The following EMCN variants were observed in gnomAD, a reference collection of about 807,000 sequenced individuals.
The protein encoded by EMCN is MUC-14.
EMCN carries 37 observed loss-of-function variants against 38.4 expected under a neutral mutation model. The ratio of observed to expected loss-of-function variants is 0.96; its 90% CI spans 0.74 to 1.27. The LOEUF is 1.27. Ranked by LOEUF, EMCN falls within the 50% of genes most tolerant of loss-of-function variation. The pLI is 0.00. For missense variants in EMCN, 318 were observed against 302.8 expected, an observed-to-expected ratio of 1.05 and a Z score of -0.37; for synonymous variants, 95 against 100.8, an observed-to-expected ratio of 0.94 and a Z score of 0.35.
chr4:100,416,973 G>T, intron 9 of EMCN, 144 bp downstream of exon 9: 2 of 738,124 alleles, frequency 2.7e-6, no homozygotes, highest in Admixed American at 2.5e-5. Context: ...TCTGTTAAAT[G>T]GAGAGAGCTC....
chr4:100,481,512 A>G (rs1055483443), intron 1 of EMCN, among the ~76,000 whole-genome samples: 1 of 152,116 alleles, frequency 6.6e-6, no homozygotes, highest in Non-Finnish European at 1.5e-5. Context: ...ATGGAAATCA[A>G]GTCAAAAGCT....
chr4:100,485,887 T>C (rs576836532), intron 1 of EMCN, among the ~76,000 whole-genome samples: 7 of 152,196 alleles, frequency 4.6e-5, no homozygotes, highest in African/African-American at 1.4e-4. Flanking sequence ...TTTGCCTTCC[T>C]CCAAAAATTG....
At chr4:100,472,877 T>C (rs573127043) in intron 3 of EMCN, among the ~76,000 whole-genome samples, 6 of 151,660 alleles carry the variant, frequency 4.0e-5, no homozygotes, top group African/African-American at 1.4e-4. Flanking sequence ...GAATGTACCA[T>C]TTGATACTGG....
At chr4:100,447,214 G>A (rs1418431739) in intron 5 of EMCN, among the ~76,000 whole-genome samples, 1 of 152,130 alleles carries the variant, frequency 6.6e-6, no homozygotes, top group African/African-American at 2.4e-5. Flanking sequence ...GTACTTCTGG[G>A]AGAGGTCACA....
chr4:100,491,603 G>GC (rs979071269), intron 1 of EMCN, among the ~76,000 whole-genome samples: 4 of 152,118 alleles, frequency 2.6e-5, no homozygotes, highest in Non-Finnish European at 4.4e-5. Flanking sequence ...TAACCTTAGG[G>GC]CCCCTTCAGC....
At chr4:100,469,396 A>C (rs1344379157) in intron 3 of EMCN, among the ~76,000 whole-genome samples, 2 of 152,160 alleles carry the variant, frequency 1.3e-5, no homozygotes, top group African/African-American at 4.8e-5. Context: ...TTACATCAAA[A>C]GCTCAGCTAC....
intron 5 of EMCN, among the ~76,000 whole-genome samples, chr4:100,428,937 A>G (rs1727126568): frequency 6.6e-6 from 1 of 152,166 alleles, no homozygotes; most frequent in South Asian, 2.1e-4. Context: ...TAAGTAAAAC[A>G]GCATGGCAAA....
At chr4:100,507,226 G>A (rs567471187) in intron 1 of EMCN, among the ~76,000 whole-genome samples, 1 of 152,310 alleles carries the variant, frequency 6.6e-6, no homozygotes, top group African/African-American at 2.4e-5. Flanking sequence ...ATGATTAGGA[G>A]ATGAAGGGCG....
rs559061721 is a variant in EMCN, at chr4:100,435,784, T to C, written c.415+11749A>G. 2.0e-5 allele frequency among the ~76,000 whole-genome samples: 3 copies of C among 152,278 alleles called. 1 individual carries two copies. Among genetic ancestry groups the C allele is most frequent in the South Asian group, 4.2e-4 (2 of 4,818 alleles). ...CAAAAACAAGCAATGGGGAAAGGAT[T>C]TTCTATTTAGTAAATGATGCTGGGA... On this transcript the variant is annotated intron_variant, in intron 5 of 11. Coordinates refer to ENST00000296420, the MANE Select transcript of EMCN (RefSeq NM_016242.4).
At chr4:100,451,346 G>C (rs920165830) in intron 4 of EMCN, among the ~76,000 whole-genome samples, 1 of 151,806 alleles carries the variant, frequency 6.6e-6, no homozygotes, top group Non-Finnish European at 1.5e-5. Context: ...GGTCCTTGAT[G>C]AATATGAATG....
At chr4:100,400,353 A>ATTTTT (rs3214622) in intron 11 of EMCN, among the ~76,000 whole-genome samples, 7 of 146,748 alleles carry the variant, frequency 4.8e-5, no homozygotes, top group African/African-American at 1.8e-4. Context: ...CCTAGGCCAC[A>ATTTTT]TTTTTTTTTT....
At chr4:100,465,394 A>T in intron 4 of EMCN, 29 bp downstream of exon 4, 1 of 1,336,490 alleles carries the variant, frequency 7.5e-7, no homozygotes, top group Non-Finnish European at 1.1e-6. Context: ...ACACTAGTTT[A>T]ACACTTCAGC....
chr4:100,450,474 C>T (rs1298882327), intron 4 of EMCN, among the ~76,000 whole-genome samples: 1 of 151,870 alleles, frequency 6.6e-6, no homozygotes. Context: ...CAGACTTACA[C>T]CTAGAACATG....
intron 4 of EMCN, 56 bp from the exon 5 acceptor site, chr4:100,447,627 C>T (rs1727714804): frequency 1.8e-6 from 2 of 1,122,634 alleles, no homozygotes; most frequent in Admixed American, 3.8e-5. Flanking sequence ...AATATCAGAT[C>T]TATTCTCACA....
intron 5 of EMCN, among the ~76,000 whole-genome samples, chr4:100,436,513 A>G (rs1413776638): frequency 1.3e-5 from 2 of 152,220 alleles, no homozygotes; most frequent in Admixed American, 1.3e-4. Context: ...ATTATTGGAT[A>G]TATACCCAAA....
intron 5 of EMCN, among the ~76,000 whole-genome samples, chr4:100,444,338 A>G (rs2651534): frequency 0.91 from 138,832 of 152,204 alleles, 63,358 homozygotes; most frequent in South Asian, 0.96. Context: ...ATGGCACTGG[A>G]GTGTGCAATT....
At chr4:100,417,056 A>G in intron 9 of EMCN, 61 bp downstream of exon 9, 2 of 1,512,968 alleles carry the variant, frequency 1.3e-6, no homozygotes, top group Non-Finnish European at 1.8e-6. Flanking sequence ...AAGTAGAGTA[A>G]CAATAATTTT....
chr4:100,461,247 A>G (rs533366421), intron 4 of EMCN, among the ~76,000 whole-genome samples: 4 of 152,280 alleles, frequency 2.6e-5, no homozygotes, highest in African/African-American at 9.6e-5. Context: ...TTCTCTTTCC[A>G]AATGGCACTT....
rs1049271141 is a variant in EMCN, at chr4:100,454,615, T to A, written c.377-7044A>T. Among the ~76,000 whole-genome samples the A allele has an allele frequency of 2.6e-5, 4 of 152,320 alleles. No individual in the cohort carries two copies. The South Asian group carries it at 8.3e-4, about 32-fold the overall frequency. ...ACTGTGAGATTTCTACTCTAAGTAA[T>A]CTAAACACAAAAGTCACTATCCTCT... On this transcript the variant is annotated intron_variant, in intron 4 of 11. Transcript: ENST00000296420.
Sources: gnomAD v4.1 joint callset for allele counts (sites outside exome capture counted in the v4.1 genomes callset) on GRCh38, gnomAD v4.1.1 for gene constraint, MANE v1.5 for transcripts, NCBI Gene and HGNC (gene_info 2026-07-23, HGNC 2026-07-21) for gene names.